Variants in PSMD14 observed in about 807,000 individuals in gnomAD.
The protein encoded by PSMD14 is ubiquitin C-terminal hydrolase PSMD14.
PSMD14 carries 7 observed loss-of-function variants against 41.2 expected under a neutral mutation model. The observed-to-expected ratio is 0.17, with a 90% CI of 0.10 to 0.32. The LOEUF (loss-of-function observed/expected upper bound fraction) is 0.32. Among genes scored for constraint, PSMD14 ranks in the 10% least tolerant of loss-of-function variants. The pLI is 1.00. For missense variants in PSMD14, 139 were observed against 375.6 expected (o/e 0.37, Z 5.21); for synonymous variants, 114 against 122.3 (o/e 0.93, Z 0.45).
At chr2:161,377,973 A>G (rs995085632) in intron 7 of PSMD14, among the ~76,000 whole-genome samples, 1 of 151,902 alleles carries the variant, frequency 6.6e-6, no homozygotes, top group African/African-American at 2.4e-5. Context: ...CGTGGAAACT[A>G]TGACTTTGAT....
chr2:161,359,814 G>A (rs998783553), intron 3 of PSMD14, among the ~76,000 whole-genome samples: 1 of 152,158 alleles, frequency 6.6e-6, no homozygotes, highest in Non-Finnish European at 1.5e-5. Flanking sequence ...AAAATGGGAT[G>A]GCGTACTGTA....
chr2:161,335,829 A>G (rs1682861839), intron 3 of PSMD14, among the ~76,000 whole-genome samples: 2 of 152,214 alleles, frequency 1.3e-5, no homozygotes, highest in African/African-American at 2.4e-5. Context: ...CTACTTAGTC[A>G]CTTTTTAGAC....
intron 1 of PSMD14, among the ~76,000 whole-genome samples, chr2:161,314,356 A>G (rs535006544): frequency 1.3e-5 from 2 of 152,338 alleles, no homozygotes; most frequent in Non-Finnish European, 2.9e-5. Context: ...TATATTGTTC[A>G]CTCATTGACA....
At chr2:161,394,989 T>G in intron 9 of PSMD14, 89 bp from the exon 10 acceptor site, 1 of 531,138 alleles carries the variant, frequency 1.9e-6, no homozygotes, top group Non-Finnish European at 2.7e-6. Flanking sequence ...AGTCGAAATG[T>G]TTTTTTTTTT....
At chr2:161,358,258 A>C (rs527891331) in intron 3 of PSMD14, among the ~76,000 whole-genome samples, 28 of 152,298 alleles carry the variant, frequency 1.8e-4, no homozygotes, top group South Asian at 1.0e-3. Flanking sequence ...AGTCCTATAA[A>C]TAGGACATGT....
At chr2:161,334,400 G>A (rs564958825) in intron 3 of PSMD14, among the ~76,000 whole-genome samples, 3 of 152,164 alleles carry the variant, frequency 2.0e-5, no homozygotes, top group South Asian at 2.1e-4. Context: ...TTTTTTGTTC[G>A]CTAAGGTTTG....
At chr2:161,408,395 A>G (rs1683982448) in intron 10 of PSMD14, 1 of 168,352 alleles carries the variant, frequency 5.9e-6, no homozygotes, top group Non-Finnish European at 1.3e-5. Flanking sequence ...TACTGAAGCT[A>G]TGGGCAGGCT....
intron 9 of PSMD14, among the ~76,000 whole-genome samples, chr2:161,392,070 C>T (rs998886331): frequency 1.3e-5 from 2 of 152,112 alleles, no homozygotes; most frequent in African/African-American, 4.8e-5. Flanking sequence ...AATTAGCATT[C>T]TCATTTGTTT....
At chr2:161,376,537 A>T (rs918390891) in intron 7 of PSMD14, among the ~76,000 whole-genome samples, 1 of 151,978 alleles carries the variant, frequency 6.6e-6, no homozygotes, top group Admixed American at 6.6e-5. Flanking sequence ...ATGACTACAA[A>T]AGAAATGAAG....
At chr2:161,365,152 A>G (rs1250759829) in intron 3 of PSMD14, among the ~76,000 whole-genome samples, 1 of 152,188 alleles carries the variant, frequency 6.6e-6, no homozygotes, top group Non-Finnish European at 1.5e-5. Context: ...ACAGCTGCAT[A>G]GTCTTCTCTT....
rs146707797 is a variant in PSMD14, at chr2:161,327,914, G to A, written c.48+9041G>A. Among the ~76,000 whole-genome samples the A allele has an allele frequency of 7.8e-3, 1,148 of 147,166 alleles. 11 individuals carry two copies. Among genetic ancestry groups the A allele is most frequent in the South Asian group, 0.016 (74 of 4,594 alleles). ...CAAACCTGTGGAATTAAGTGTTAAT[G>A]AAAATTGGGGAAGCAGGAATTCTCA... On this transcript the variant is annotated intron_variant, in intron 3 of 11. Coordinates refer to ENST00000409682, the MANE Select transcript of PSMD14 (RefSeq NM_005805.6).
intron 7 of PSMD14, among the ~76,000 whole-genome samples, chr2:161,379,732 G>C (rs1320166167): frequency 5.3e-5 from 8 of 152,034 alleles, no homozygotes; most frequent in Admixed American, 5.2e-4. Flanking sequence ...CCTTCAGACA[G>C]CAGTGAAGGG....
chr2:161,343,560 G>T (rs1406181380), intron 3 of PSMD14, among the ~76,000 whole-genome samples: 1 of 152,202 alleles, frequency 6.6e-6, no homozygotes, highest in Non-Finnish European at 1.5e-5. Flanking sequence ...GGGTACAGTG[G>T]CTCACGCCTG....
At chr2:161,364,194 G>C (rs1165932528) in intron 3 of PSMD14, among the ~76,000 whole-genome samples, 1 of 152,138 alleles carries the variant, frequency 6.6e-6, no homozygotes, top group African/African-American at 2.4e-5. Context: ...GTGCTGGTTT[G>C]CTCATACCCC....
chr2:161,357,809 A>G (rs1161087103), intron 3 of PSMD14, among the ~76,000 whole-genome samples: 1 of 152,022 alleles, frequency 6.6e-6, no homozygotes, highest in Non-Finnish European at 1.5e-5. Context: ...CTCTTTAGTT[A>G]TACTGGTGCC....
intron 3 of PSMD14, among the ~76,000 whole-genome samples, chr2:161,348,069 A>T (rs575520470): frequency 3.9e-5 from 6 of 152,248 alleles, no homozygotes; most frequent in African/African-American, 7.2e-5. Context: ...TACCATAAAC[A>T]TGTATATGCT....
intron 7 of PSMD14, among the ~76,000 whole-genome samples, chr2:161,378,825 C>A (rs1177132181): frequency 6.6e-6 from 1 of 151,978 alleles, no homozygotes; most frequent in African/African-American, 2.4e-5. Context: ...AATACCTACA[C>A]TTGTTTGTTG....
chr2:161,357,402 T>C (rs1053113017), intron 3 of PSMD14, among the ~76,000 whole-genome samples: 1 of 152,164 alleles, frequency 6.6e-6, no homozygotes, highest in African/African-American at 2.4e-5. Flanking sequence ...CCTACAGTTC[T>C]GTTAGATCAC....
chr2:161,359,063 A>C (rs1352651101), intron 3 of PSMD14, among the ~76,000 whole-genome samples: 1 of 152,092 alleles, frequency 6.6e-6, no homozygotes, highest in Non-Finnish European at 1.5e-5. Flanking sequence ...CAGCCTCCTG[A>C]GCTGAAGCAA....
Sources: allele counts gnomAD v4.1 joint callset (sites outside exome capture counted in the v4.1 genomes callset), GRCh38; gene constraint gnomAD v4.1.1; transcripts MANE v1.5; gene names NCBI Gene and HGNC (gene_info 2026-07-23, HGNC 2026-07-21).